Variants in ARMCX4 observed in about 807,000 individuals in gnomAD.
ARMCX4 encodes the protein armadillo repeat-containing X-linked protein 4.
In ARMCX4, 3 loss-of-function variants were observed where a neutral mutation model predicts 34.7. The ratio of observed to expected loss-of-function variants is 0.09; its 90% CI spans 0.04 to 0.22. ARMCX4 has a LOEUF of 0.22. Among genes scored for constraint, ARMCX4 ranks in the 10% least tolerant of loss-of-function variants. ARMCX4 has a pLI of 1.00. For missense variants in ARMCX4, 1,448 were observed against 1,720.8 expected (o/e 0.84, Z 2.81); for synonymous variants, 513 against 632.8 (o/e 0.81, Z 2.84).
upstream of ARMCX4, among the ~76,000 whole-genome samples, chrX:101,483,772 C>A (rs1375688803): frequency 4.5e-5 from 5 of 110,405 alleles, no homozygotes; most frequent in Non-Finnish European, 9.5e-5. Context: ...AAAGTAAGTT[C>A]GTCACTTTCA....
In ARMCX4 at chrX:101,495,246, G is replaced by A; in HGVS notation, c.6657G>A (p.Lys2219=). The A allele has an allele frequency of 8.7e-7, 1 of 1,147,111 alleles. No individual in the cohort carries two copies. Among genetic ancestry groups the A allele is most frequent in the Non-Finnish European group, 1.2e-6 (1 of 865,743 alleles). 94.5% of individuals were successfully genotyped at this position (1,147,111 alleles called of 1,213,427 possible). The change falls in exon 6 of 6, where the codon AAG becomes AAA. Residue 2219 remains lysine (K), a synonymous_variant. Coordinates refer to ENST00000423738, the MANE Select transcript of ARMCX4 (RefSeq NM_001256155.3). ...LINIFSKKET[K]ENILNALSLF... ...ACATTTTTAGCAAGAAAGAGACAAA[G>A]GAGAATATTCTTAATGCTCTTTCAC...
chrX:101,469,896 C>A (rs1258935856), intron 4 of ARMCX4, among the ~76,000 whole-genome samples: 1 of 111,513 alleles, frequency 9.0e-6, no homozygotes, highest in Non-Finnish European at 1.9e-5. Flanking sequence ...GTTACCACCC[C>A]TTTTCTAGAA....
intron 2 of ARMCX4, among the ~76,000 whole-genome samples, chrX:101,436,856 G>C (rs1454700781): frequency 9.0e-6 from 1 of 111,646 alleles, no homozygotes. Flanking sequence ...TAGCATGAAG[G>C]GTTGTTGAAT....
chrX:101,459,725 A>G (rs1191929758), intron 4 of ARMCX4, among the ~76,000 whole-genome samples: 1 of 112,443 alleles, frequency 8.9e-6, no homozygotes, highest in Admixed American at 9.4e-5. Context: ...CCAGAAGGTA[A>G]TTACTCTTAC....
At chrX:101,434,017 C>G (rs192994537) in intron 2 of ARMCX4, among the ~76,000 whole-genome samples, 1,939 of 107,932 alleles carry the variant, frequency 0.018, 50 homozygotes, top group African/African-American at 0.062. Context: ...TTGATCTTGG[C>G]TCACTGCAAC....
intron 11 of ARMCX4, among the ~76,000 whole-genome samples, chrX:101,529,392 C>G (rs1556021481): frequency 9.0e-6 from 1 of 111,637 alleles, no homozygotes; most frequent in African/African-American, 3.3e-5. Context: ...AGAAGAAAAC[C>G]TAGGCAATAC....
intron 2 of ARMCX4, among the ~76,000 whole-genome samples, chrX:101,424,889 C>T (rs1929509181): frequency 9.0e-6 from 1 of 111,382 alleles, no homozygotes. Context: ...TTGAGAACAC[C>T]CAAGAGAATA....
chrX:101,454,213 CT>C (rs201218414), intron 4 of ARMCX4, among the ~76,000 whole-genome samples: 4,957 of 110,345 alleles, frequency 0.045, 88 homozygotes, highest in Middle Eastern at 0.075. Flanking sequence ...AATAAAAGCT[CT>C]GATCTGTAGT....
Position 101,492,358 on chromosome X carries a change from G to C in ARMCX4, c.3769G>C (p.Val1257Leu). 8.7e-7 allele frequency: 1 copy of C among 1,153,948 alleles called. No homozygotes were observed. The highest frequency in any genetic ancestry group is 1.1e-6 in the Non-Finnish European group (1 of 871,909). ...PGGQASGVSW[V>L]GEEAIGGSWT... ...GGGACAGGCCAGTGGGGTGTCCTGG[G>C]TTGGGGAAGAGGCCATTGGAGGGTC... is the stretch of plus-strand genomic sequence containing the variant. Residue 1257 changes from valine to leucine, a missense_variant, in exon 6 of 6, where the codon GTT becomes CTT. Transcript: ENST00000423738.
At chrX:101,505,297 C>A (rs781877330) in exon 8 of ARMCX4, 1 of 110,794 alleles carries the variant, frequency 9.0e-6, no homozygotes, top group Non-Finnish European at 1.9e-5. Flanking sequence ...GTTTTGATGC[C>A]CTCAAAAGAA....
intron 2 of ARMCX4, among the ~76,000 whole-genome samples, chrX:101,439,384 C>A (rs1447484105): frequency 6.3e-5 from 7 of 111,730 alleles, no homozygotes; most frequent in Non-Finnish European, 1.1e-4. Context: ...CCCGCCCTTT[C>A]TCTCTGGCTG....
rs191818233 is a variant in ARMCX4, at chrX:101,507,878, A to G, written c.*1597-1486A>G. On this transcript the variant is annotated intron_variant and NMD_transcript_variant, in intron 8 of 12. Transcript: ENST00000354842. ...AGTCATGCACTGCATAACAACATCA[A>G]TGATGGACAGCATATACAATGGTGG... is the stretch of plus-strand genomic sequence containing the variant. Among the ~76,000 whole-genome samples the G allele has an allele frequency of 9.1e-3, 1,020 of 112,432 alleles. 49 individuals are homozygous for G. In the Admixed American group the frequency reaches 0.091, roughly 10 times the overall value.
chrX:101,436,303 A>C (rs1555994751), intron 2 of ARMCX4, among the ~76,000 whole-genome samples: 5 of 110,236 alleles, frequency 4.5e-5, no homozygotes, highest in Non-Finnish European at 9.5e-5. Flanking sequence ...ATTTGTTTGT[A>C]TCCTCTTTTA....
chrX:101,519,232 T>G (rs1386135368), intron 11 of ARMCX4, among the ~76,000 whole-genome samples: 1 of 111,507 alleles, frequency 9.0e-6, no homozygotes, highest in Non-Finnish European at 1.9e-5. Context: ...TCAGTTCTGT[T>G]AACTATAAGT....
At chrX:101,437,378 G>T (rs1347066121) in intron 2 of ARMCX4, among the ~76,000 whole-genome samples, 1 of 111,954 alleles carries the variant, frequency 8.9e-6, no homozygotes, top group Admixed American at 9.5e-5. Context: ...TCTTGGGAGG[G>T]TGTATGTGTC....
intron 11 of ARMCX4, among the ~76,000 whole-genome samples, chrX:101,517,847 TA>T (rs201632948): frequency 5.5e-5 from 6 of 108,482 alleles, no homozygotes; most frequent in South Asian, 3.9e-4. Context: ...TCAAGGTTTG[TA>T]AAAAAAAACA....
chrX:101,436,507 T>A (rs781821303), intron 2 of ARMCX4, among the ~76,000 whole-genome samples: 31 of 111,667 alleles, frequency 2.8e-4, no homozygotes, highest in African/African-American at 1.0e-3. Context: ...ATCCTGAGAC[T>A]TTGCTGAAGT....
chrX:101,509,475 G>A (rs966676572), intron 9 of ARMCX4: 21 of 111,359 alleles, frequency 1.9e-4, no homozygotes, highest in Non-Finnish European at 3.8e-4. Flanking sequence ...TTTTATGTAA[G>A]CAAACAGCAT....
At chrX:101,432,955 T>C (rs1162493857) in intron 2 of ARMCX4, among the ~76,000 whole-genome samples, 2 of 70,167 alleles carry the variant, frequency 2.9e-5, no homozygotes, top group African/African-American at 4.5e-5. Flanking sequence ...TACACACATG[T>C]ATACATATGT....
Sources: allele counts gnomAD v4.1 joint callset (sites outside exome capture counted in the v4.1 genomes callset), GRCh38; gene constraint gnomAD v4.1.1; transcripts MANE v1.5; gene names NCBI Gene and HGNC (gene_info 2026-07-23, HGNC 2026-07-21).